Variants in OTOGL observed in about 807,000 individuals in gnomAD.
OTOGL encodes the protein otogelin like, also known as otogelin-like protein.
A neutral mutation model predicts 318.5 loss-of-function variants in OTOGL; 285 were observed. The ratio of observed to expected loss-of-function variants is 0.89; its 90% CI spans 0.81 to 0.99. The LOEUF is 0.99. Ranked by LOEUF, OTOGL falls within the 50% of genes least tolerant of loss-of-function variation. OTOGL has a pLI of 0.00. For missense variants in OTOGL, 2,899 were observed against 2,845.6 expected (o/e 1.02, Z -0.43); for synonymous variants, 987 against 936.5 (o/e 1.05, Z -0.99).
At chr12:80,295,835 A>G (rs1885356421) in intron 26 of OTOGL, among the ~76,000 whole-genome samples, 1 of 152,242 alleles carries the variant, frequency 6.6e-6, no homozygotes, top group South Asian at 2.1e-4. Flanking sequence ...ATTGTATCTC[A>G]TAAATATATG....
intron 1 of OTOGL, chr12:80,132,753 T>G (rs1871318155): frequency 6.6e-6 from 1 of 152,234 alleles, no homozygotes; most frequent in Non-Finnish European, 1.5e-5. Context: ...AAAGATTGTC[T>G]GCTGATCACT....
chr12:80,127,926 T>C (rs1870963366), intron 1 of OTOGL, among the ~76,000 whole-genome samples: 1 of 152,214 alleles, frequency 6.6e-6, no homozygotes, highest in Non-Finnish European at 1.5e-5. Context: ...TTGGTTATTC[T>C]AGTTAGCCAT....
intron 48 of OTOGL, 26 bp downstream of exon 48, chr12:80,356,546 G>A (rs758730578): frequency 1.9e-5 from 29 of 1,503,056 alleles, no homozygotes; most frequent in Non-Finnish European, 2.7e-5. Flanking sequence ...AGAAAATTAA[G>A]AGTGAGGTTC....
intron 26 of OTOGL, among the ~76,000 whole-genome samples, chr12:80,281,778 G>A (rs1007686352): frequency 1.3e-5 from 2 of 151,720 alleles, no homozygotes; most frequent in Non-Finnish European, 2.9e-5. Flanking sequence ...TCTATAAAAT[G>A]AGAAAAATAA....
intron 26 of OTOGL, among the ~76,000 whole-genome samples, chr12:80,287,849 C>T (rs572175599): frequency 6.6e-6 from 1 of 152,204 alleles, no homozygotes; most frequent in Non-Finnish European, 1.5e-5. Context: ...GACTCCTTGT[C>T]CAATTTGCCA....
intron 44 of OTOGL, among the ~76,000 whole-genome samples, chr12:80,350,475 C>G (rs1169253349): frequency 6.6e-6 from 1 of 152,128 alleles, no homozygotes; most frequent in Non-Finnish European, 1.5e-5. Flanking sequence ...TTTGAGAAAC[C>G]TCCATATTGT....
At chr12:80,282,444 G>C (rs1884303907) in intron 26 of OTOGL, among the ~76,000 whole-genome samples, 1 of 151,564 alleles carries the variant, frequency 6.6e-6, no homozygotes, top group African/African-American at 2.4e-5. Context: ...CTTCCTTTAT[G>C]AATGGTTTTA....
intron 1 of OTOGL, among the ~76,000 whole-genome samples, chr12:80,189,777 A>G (rs1468488852): frequency 6.6e-6 from 1 of 152,218 alleles, no homozygotes; most frequent in South Asian, 2.1e-4. Flanking sequence ...CAGCAGGTCT[A>G]CAGATTCTCA....
intron 1 of OTOGL, among the ~76,000 whole-genome samples, chr12:80,109,993 T>A (rs1869730362): frequency 6.6e-6 from 1 of 151,986 alleles, no homozygotes; most frequent in African/African-American, 2.4e-5. Flanking sequence ...GTTTGTTACA[T>A]AGGTATACAT....
Position 80,378,237 on chromosome 12 carries a change from TTACTC to T in OTOGL, c.*192_*196del, listed in dbSNP as rs1285335127. The T allele has an allele frequency of 1.6e-5, 8 of 498,226 alleles. No individual in the cohort carries two copies. The highest frequency in any genetic ancestry group is 1.1e-4 in the Admixed American group (3 of 26,920). 30.9% of individuals were successfully genotyped at this position (498,226 alleles called of 1,614,324 possible). On this transcript the variant is annotated 3_prime_UTR_variant, in exon 59 of 59. Coordinates refer to ENST00000547103, the MANE Select transcript of OTOGL (RefSeq NM_001378609.3). Reference sequence around the variant, plus strand: ...CAATAGCAAAATTAAATTTATTGCTTTACTCTATTTTAGAAAATCAAATGACTGTA... The same window carrying T: ...CAATAGCAAAATTAAATTTATTGCTTTATTTTAGAAAATCAAATGACTGTA...
At chr12:80,340,898 TAAAA>T (rs1208660306) in intron 43 of OTOGL, among the ~76,000 whole-genome samples, 3 of 150,170 alleles carry the variant, frequency 2.0e-5, no homozygotes, top group Non-Finnish European at 3.0e-5. Flanking sequence ...AGTTTAGACT[TAAAA>T]AATAGTAGCT....
intron 26 of OTOGL, among the ~76,000 whole-genome samples, chr12:80,288,977 G>A (rs992994457): frequency 6.6e-6 from 1 of 152,042 alleles, no homozygotes; most frequent in African/African-American, 2.4e-5. Flanking sequence ...AGGAGAAGAG[G>A]CATTCTGGTT....
chr12:80,320,295 G>A, intron 33 of OTOGL, 127 bp from the exon 34 acceptor site: 2 of 787,982 alleles, frequency 2.5e-6, no homozygotes, highest in South Asian at 7.3e-5. Context: ...TGAAATCTTA[G>A]TTATTGGCAC....
At chr12:80,222,480 C>T (rs1878445562) in intron 7 of OTOGL, among the ~76,000 whole-genome samples, 1 of 152,058 alleles carries the variant, frequency 6.6e-6, no homozygotes, top group Non-Finnish European at 1.5e-5. Flanking sequence ...TCAGTATGAA[C>T]CAGAGGCTAA....
In OTOGL at chr12:80,264,995, T is replaced by C. The variant is rs748528484; in HGVS notation, c.2015-6T>C. 1 of 1,613,594 alleles carries C rather than the reference T, an allele frequency of 6.2e-7. No individual in the cohort carries two copies. Among genetic ancestry groups the C allele is most frequent in the Non-Finnish European group, 8.5e-7 (1 of 1,179,598 alleles). Reference sequence around the variant, plus strand: ...TAAATAAGATGCTAATTGGGCTCTTTGTTAGTTGGGTATGCAGCACACTGT... The same window carrying C: ...TAAATAAGATGCTAATTGGGCTCTTCGTTAGTTGGGTATGCAGCACACTGT... On this transcript the variant is annotated splice_polypyrimidine_tract_variant and splice_region_variant and intron_variant, in intron 19 of 58. Coordinates refer to ENST00000547103, the MANE Select transcript of OTOGL (RefSeq NM_001378609.3).
chr12:80,326,110 A>G (rs1887663918), intron 35 of OTOGL, among the ~76,000 whole-genome samples: 1 of 152,160 alleles, frequency 6.6e-6, no homozygotes, highest in South Asian at 2.1e-4. Context: ...TTATACCTGC[A>G]GTACTTGAGG....
chr12:80,335,097 C>T (rs1888308315), intron 38 of OTOGL, among the ~76,000 whole-genome samples: 1 of 151,952 alleles, frequency 6.6e-6, no homozygotes, highest in African/African-American at 2.4e-5. Flanking sequence ...AAAAAAGATA[C>T]TTTATTAGTG....
chr12:80,313,726 CA>C (rs1886800349), intron 31 of OTOGL, 94 bp downstream of exon 31: 4 of 1,086,812 alleles, frequency 3.7e-6, no homozygotes, highest in Non-Finnish European at 5.1e-6. Flanking sequence ...CCAGGAGACT[CA>C]TGGGAATAGA....
At chr12:80,289,197 C>A (rs1005732094) in intron 26 of OTOGL, among the ~76,000 whole-genome samples, 3 of 152,140 alleles carry the variant, frequency 2.0e-5, no homozygotes, top group African/African-American at 4.8e-5. Flanking sequence ...TACTCCAAAC[C>A]CTGCTTGCCT....
Sources: gnomAD v4.1 joint callset for allele counts (sites outside exome capture counted in the v4.1 genomes callset) on GRCh38, gnomAD v4.1.1 for gene constraint, MANE v1.5 for transcripts, NCBI Gene and HGNC (gene_info 2026-07-23, HGNC 2026-07-21) for gene names.